Variants in SAMD12 observed in about 807,000 individuals in gnomAD.
SAMD12 encodes sterile alpha motif domain-containing protein 12.
SAMD12 carries 9 observed loss-of-function variants against 15.0 expected under a neutral mutation model. The ratio of observed to expected loss-of-function variants is 0.60; its 90% CI spans 0.36 to 1.05. The LOEUF (loss-of-function observed/expected upper bound fraction) is 1.05. SAMD12 is among the 50% of genes least tolerant of loss of function. The pLI is 0.01. For missense variants in SAMD12, 230 were observed against 234.2 expected (o/e 0.98, Z 0.12); for synonymous variants, 86 against 90.1 (o/e 0.96, Z 0.25).
At chr8:118,585,631 T>C (rs1299634589) in intron 1 of SAMD12, among the ~76,000 whole-genome samples, 2 of 152,204 alleles carry the variant, frequency 1.3e-5, no homozygotes, top group Non-Finnish European at 2.9e-5. Flanking sequence ...TATTTTTTAA[T>C]AAAATGGTAA....
intron 1 of SAMD12, among the ~76,000 whole-genome samples, chr8:118,619,664 C>A (rs1828341519): frequency 6.6e-6 from 1 of 152,054 alleles, no homozygotes; most frequent in African/African-American, 2.4e-5. Context: ...GTGCTATGAG[C>A]TAGGAATATA....
At chr8:118,447,371 C>T (rs1346090784) in intron 2 of SAMD12, among the ~76,000 whole-genome samples, 1 of 151,644 alleles carries the variant, frequency 6.6e-6, no homozygotes, top group African/African-American at 2.4e-5. Flanking sequence ...GGCGCGATTT[C>T]AGCTCACTGC....
At chr8:118,608,528 G>C (rs956905605) in intron 1 of SAMD12, among the ~76,000 whole-genome samples, 1 of 152,006 alleles carries the variant, frequency 6.6e-6, no homozygotes, top group Non-Finnish European at 1.5e-5. Context: ...TTTTGAGATG[G>C]AGTCTCACTC....
At chr8:118,540,711 T>C (rs1825964219) in intron 2 of SAMD12, among the ~76,000 whole-genome samples, 1 of 147,074 alleles carries the variant, frequency 6.8e-6, no homozygotes, top group African/African-American at 2.5e-5. Context: ...AAAAAAAAAA[T>C]GCCACATATG....
chr8:118,453,127 C>T (rs138768412), intron 2 of SAMD12, among the ~76,000 whole-genome samples: 14 of 152,168 alleles, frequency 9.2e-5, no homozygotes, highest in African/African-American at 2.9e-4. Flanking sequence ...TGTTCCTTGC[C>T]TTCAAAGTCT....
At position 118,580,764 on chromosome 8, in the gene SAMD12, T is replaced by A; in HGVS notation, c.143A>T (p.Asp48Val). 2 of 1,613,386 alleles carry A rather than the reference T, an allele frequency of 1.2e-6. No homozygotes were observed. Among genetic ancestry groups the A allele is most frequent in the South Asian group, 2.2e-5 (2 of 91,050 alleles). The change falls in exon 2 of 4, where the codon GAC (aspartate) becomes GTC (valine). Residue 48 changes from aspartate (D) to valine (V), a missense_variant. By Grantham distance (152) the Asp-to-Val change is radical. Transcript: ENST00000314727. The stretch of plus-strand genomic sequence containing the variant: ...CAGTCGCTTGGGAGTTCCTTTCTGG[T>A]CAGGCACCTTCTGGAAATTTTTATT... The part of the protein sequence containing the change: ...IKNKNFQKVP[D>V]QKGTPKRLQA...
intron 4 of SAMD12, among the ~76,000 whole-genome samples, chr8:118,308,402 G>T (rs983422753): frequency 8.5e-5 from 13 of 152,142 alleles, no homozygotes; most frequent in African/African-American, 2.7e-4. Flanking sequence ...TTACATAAAT[G>T]ATCTTATTTA....
At chr8:118,558,423 T>TGTTACATC (rs1174232709) in intron 2 of SAMD12, among the ~76,000 whole-genome samples, 8 of 152,258 alleles carry the variant, frequency 5.3e-5, no homozygotes, top group Non-Finnish European at 1.2e-4. Flanking sequence ...ACTTTAGAAT[T>TGTTACATC]GTTACATCTT....
chr8:118,215,003 T>G (rs1811920057), intron 4 of SAMD12, among the ~76,000 whole-genome samples: 1 of 152,248 alleles, frequency 6.6e-6, no homozygotes, highest in Non-Finnish European at 1.5e-5. Flanking sequence ...AGAATTTACT[T>G]GCAGCACTAT....
At chr8:118,488,720 C>T (rs1824355859) in intron 2 of SAMD12, among the ~76,000 whole-genome samples, 1 of 152,218 alleles carries the variant, frequency 6.6e-6, no homozygotes, top group Non-Finnish European at 1.5e-5. Flanking sequence ...GCAGAGACTA[C>T]ACCAAAGTTG....
intron 3 of SAMD12, chr8:118,400,356 T>C (rs1820808166): frequency 6.6e-6 from 1 of 152,230 alleles, no homozygotes; most frequent in Non-Finnish European, 1.5e-5. Flanking sequence ...GGGTCAAATC[T>C]AGGACCACCA....
In SAMD12 at chr8:118,307,380, A is replaced by C. The variant is rs62532671; in HGVS notation, c.433+72180T>G. Among the ~76,000 whole-genome samples the C allele has an allele frequency of 3.9e-3, 595 of 152,248 alleles. 4 individuals are homozygous for C. The highest frequency in any genetic ancestry group is 5.7e-3 in the Non-Finnish European group (387 of 68,020). ...TTGGATGCGGTGGGGGCCATAAGCT[A>C]TCTGTTCAAAAGGACCCCAGGTGCC... On this transcript the variant is annotated intron_variant, in intron 4 of 4. Coordinates refer to the SAMD12 transcript ENST00000409003.
At chr8:118,155,347 G>T in the SAMD12 span, among the ~76,000 whole-genome samples, 5 of 152,166 alleles carry the variant, frequency 3.3e-5, no homozygotes, top group Admixed American at 1.3e-4. Flanking sequence ...GAACGTGCTC[G>T]ATGAACAGTG....
At chr8:118,562,096 G>T (rs1212663136) in intron 2 of SAMD12, among the ~76,000 whole-genome samples, 1 of 152,210 alleles carries the variant, frequency 6.6e-6, no homozygotes, top group African/African-American at 2.4e-5. Context: ...GTGCTTGACT[G>T]CCGTCTAATA....
At chr8:118,574,961 T>C (rs1216813857) in intron 2 of SAMD12, among the ~76,000 whole-genome samples, 1 of 152,240 alleles carries the variant, frequency 6.6e-6, no homozygotes, top group African/African-American at 2.4e-5. Context: ...CTAAGCAATG[T>C]AATTTGATCA....
chr8:118,240,101 T>C (rs2129963568), intron 4 of SAMD12: 1 of 152,170 alleles, frequency 6.6e-6, no homozygotes, highest in East Asian at 1.9e-4. Context: ...GTAGGGTATC[T>C]TTATTTATAG....
At chr8:118,354,161 A>G (rs948282270) in intron 4 of SAMD12, among the ~76,000 whole-genome samples, 2 of 152,242 alleles carry the variant, frequency 1.3e-5, no homozygotes, top group Non-Finnish European at 2.9e-5. Context: ...AAAAATTTCA[A>G]CAAACAACTT....
intron 2 of SAMD12, among the ~76,000 whole-genome samples, chr8:118,547,226 G>C (rs559707062): frequency 1.8e-3 from 281 of 152,250 alleles, no homozygotes; most frequent in Non-Finnish European, 3.0e-3. Context: ...AAAAAATGTA[G>C]CAGCAAACAC....
At chr8:118,589,027 T>G (rs1239244170) in intron 1 of SAMD12, among the ~76,000 whole-genome samples, 1 of 152,172 alleles carries the variant, frequency 6.6e-6, no homozygotes, top group East Asian at 1.9e-4. Context: ...AGAAGGGTAA[T>G]TCAGCAGCAT....
Sources: gnomAD v4.1 joint callset for allele counts (sites outside exome capture counted in the v4.1 genomes callset) on GRCh38, gnomAD v4.1.1 for gene constraint, MANE v1.5 for transcripts, NCBI Gene and HGNC (gene_info 2026-07-23, HGNC 2026-07-21) for gene names.